DYM: variants seen among roughly 807,000 people sequenced by gnomAD.
DYM encodes the protein dymeclin.
DYM carries 78 observed loss-of-function variants against 93.1 expected under a neutral mutation model. That is an observed-to-expected ratio of 0.84 (90% CI 0.70 to 1.01). DYM has a LOEUF of 1.01. Ranked by LOEUF, DYM falls within the 50% of genes least tolerant of loss-of-function variation. The pLI, the probability that DYM is intolerant of heterozygous loss-of-function variation, is 0.00. For missense variants in DYM, 789 were observed against 845.0 expected (o/e 0.93, Z 0.82); for synonymous variants, 321 against 319.7 (o/e 1.00, Z -0.04).
intron 6 of DYM, among the ~76,000 whole-genome samples, chr18:49,348,828 G>A (rs1362282213): frequency 4.1e-5 from 6 of 147,204 alleles, no homozygotes; most frequent in Non-Finnish European, 5.9e-5. Flanking sequence ...AGAATCACTC[G>A]AACCCGGGAG....
intron 15 of DYM, among the ~76,000 whole-genome samples, chr18:49,147,892 G>A (rs189930554): frequency 1.2e-3 from 187 of 152,210 alleles, no homozygotes; most frequent in African/African-American, 2.3e-3. Flanking sequence ...ACACATGCAC[G>A]TGTATGTTTA....
rs941850506 is a variant in DYM at position 49,256,864 on chromosome 18, T to C, written c.1460+146A>G. 2.2e-5 allele frequency: 15 copies of C among 679,416 alleles called. No homozygotes were observed. In the African/African-American group the frequency reaches 2.3e-4, roughly 11 times the overall value. 42.1% of individuals were successfully genotyped at this position (679,416 alleles called of 1,614,324 possible). The stretch of plus-strand genomic sequence containing the variant: ...TTAGAAAACAAAATGGAACGAGCTA[T>C]TTTCAACCAAACAAGAAGGTGATAA... On this transcript the variant is annotated intron_variant, in intron 13 of 17. Transcript: ENST00000675505.
rs115116278 is a variant in DYM at position 49,390,418 on chromosome 18, A to G, written c.193+1175T>C. 3.4e-3 allele frequency among the ~76,000 whole-genome samples: 525 copies of G among 152,230 alleles called. 3 individuals are homozygous for G. Among genetic ancestry groups the G allele is most frequent in the African/African-American group, 0.012 (487 of 41,540 alleles). On this transcript the variant is annotated intron_variant, in intron 3 of 17. Transcript: ENST00000675505. The stretch of plus-strand genomic sequence containing the variant: ...GCACTCCAGCCTGGGCAGCAAAGCA[A>G]GACTCTATCTCTTTAAAAAAAAAAA...
At chr18:49,099,594 T>C (rs185054130) in intron 16 of DYM, among the ~76,000 whole-genome samples, 3 of 152,278 alleles carry the variant, frequency 2.0e-5, no homozygotes, top group African/African-American at 7.2e-5. Flanking sequence ...GAGATAAAGA[T>C]AAAATCAATT....
chr18:49,286,494 C>A lies in DYM; in HGVS notation c.886G>T (p.Asp296Tyr). 6.2e-7 allele frequency: 1 copy of A among 1,614,158 alleles called. No individual in the cohort carries two copies. Among genetic ancestry groups the A allele is most frequent in the Non-Finnish European group, 8.5e-7 (1 of 1,180,000 alleles). Residue 296 changes from aspartate (D) to tyrosine (Y), a missense_variant, in exon 9 of 18, where the codon GAT becomes TAT. Asp to Tyr is a radical substitution (Grantham distance 160). Transcript: ENST00000675505. ...LLLLVLANLT[D>Y]ASDAPNPYRQ... ...TAGGGGTTTGGCGCATCTGAGGCATCTGTCAGATTGGCCAACACCAGCAGA... is the reference window on the plus strand; with the variant it reads ...TAGGGGTTTGGCGCATCTGAGGCATATGTCAGATTGGCCAACACCAGCAGA...
intron 17 of DYM, among the ~76,000 whole-genome samples, chr18:49,046,301 GCGCACACA>G (rs1273852049): frequency 2.1e-5 from 3 of 142,002 alleles, no homozygotes; most frequent in South Asian, 4.6e-4. Context: ...AGACATGCGC[GCGCACACA>G]CACACACACA....
rs201374511 is a variant in DYM, at chr18:49,430,178, AT to A, written c.140+76del. 3,140 of 1,377,570 alleles carry A rather than the reference AT, an allele frequency of 2.3e-3. 51 individuals are homozygous for A. In the African/African-American group the frequency reaches 0.038, roughly 17 times the overall value. 85.3% of individuals were successfully genotyped at this position (1,377,570 alleles called of 1,614,324 possible). On this transcript the variant is annotated intron_variant, in intron 2 of 17. Coordinates refer to ENST00000675505, the MANE Select transcript of DYM (RefSeq NM_001353214.3). Reference sequence around the variant, plus strand: ...AGATAGATAGACAGAACATTTCTAAATTTTTTTTTAATCAGCATACCACACA... The same window carrying A: ...AGATAGATAGACAGAACATTTCTAAATTTTTTTTAATCAGCATACCACACA...
intron 2 of DYM, among the ~76,000 whole-genome samples, chr18:49,406,247 TTA>T (rs1464789455): frequency 6.6e-6 from 1 of 152,188 alleles, no homozygotes; most frequent in Non-Finnish European, 1.5e-5. Context: ...ACCATTATTT[TTA>T]TTTTTTAAAA....
chr18:49,105,478 T>C (rs1404109353), intron 16 of DYM, among the ~76,000 whole-genome samples: 1 of 152,234 alleles, frequency 6.6e-6, no homozygotes, highest in African/African-American at 2.4e-5. Flanking sequence ...CTTGCTTCTC[T>C]AGTTCTTTTA....
At chr18:49,199,894 G>A (rs1042087101) in intron 14 of DYM, among the ~76,000 whole-genome samples, 3 of 151,564 alleles carry the variant, frequency 2.0e-5, no homozygotes, top group Admixed American at 2.0e-4. Context: ...ATGGGTAAAA[G>A]TATTCCTAAA....
At chr18:49,394,592 T>A (rs1223836562) in intron 2 of DYM, among the ~76,000 whole-genome samples, 1 of 152,210 alleles carries the variant, frequency 6.6e-6, no homozygotes, top group African/African-American at 2.4e-5. Flanking sequence ...TGATAGGGAT[T>A]GCATTGAATC....
At chr18:49,093,124 T>C (rs1395264135) in intron 17 of DYM, 2 of 152,218 alleles carry the variant, frequency 1.3e-5, no homozygotes, top group East Asian at 1.9e-4. Flanking sequence ...TGGAGGGACA[T>C]ACGTGTGCCA....
At chr18:49,415,321 CAAA>C (rs71165393) in intron 2 of DYM, among the ~76,000 whole-genome samples, 9 of 87,096 alleles carry the variant, frequency 1.0e-4, no homozygotes, top group African/African-American at 4.4e-4. Flanking sequence ...CTGGGTCTCT[CAAA>C]AAAAAAAAAA....
intron 16 of DYM, among the ~76,000 whole-genome samples, chr18:49,114,078 T>C (rs2081692302): frequency 6.6e-6 from 1 of 152,198 alleles, no homozygotes. Flanking sequence ...AAAGGGCCAA[T>C]GACATAAAGC....
chr18:49,244,806 C>T (rs1430365772), intron 13 of DYM, among the ~76,000 whole-genome samples: 14 of 152,170 alleles, frequency 9.2e-5, no homozygotes, highest in Admixed American at 9.2e-4. Context: ...TAGCTCAATT[C>T]AAGTATCAGA....
chr18:49,126,471 T>C (rs972644770), intron 15 of DYM: 3 of 152,244 alleles, frequency 2.0e-5, no homozygotes, highest in Non-Finnish European at 4.4e-5. Flanking sequence ...TGAAATTCTT[T>C]ATGTTTCATT....
chr18:49,303,066 C>G (rs1048609200), intron 8 of DYM, among the ~76,000 whole-genome samples: 1 of 152,228 alleles, frequency 6.6e-6, no homozygotes, highest in Non-Finnish European at 1.5e-5. Context: ...TCCTCATCCA[C>G]AGAACCCCAT....
chr18:49,070,398 G>A (rs569392854), intron 17 of DYM, among the ~76,000 whole-genome samples: 2 of 152,278 alleles, frequency 1.3e-5, no homozygotes, highest in Admixed American at 1.3e-4. Context: ...CAGACTGCAG[G>A]ACTGGGGACT....
At chr18:49,439,403 CTCCCCTAAAGCT>C (rs2081127434) in intron 1 of DYM, among the ~76,000 whole-genome samples, 2 of 152,162 alleles carry the variant, frequency 1.3e-5, no homozygotes, top group African/African-American at 4.8e-5. Flanking sequence ...CTCTCCACTA[CTCCCCTAAAGCT>C]GCAATTACGT....
Sources: gnomAD v4.1 joint callset for allele counts (sites outside exome capture counted in the v4.1 genomes callset) on GRCh38, gnomAD v4.1.1 for gene constraint, MANE v1.5 for transcripts, NCBI Gene and HGNC (gene_info 2026-07-23, HGNC 2026-07-21) for gene names.